Variants in RBFOX1 observed in about 807,000 individuals in gnomAD.
The protein encoded by RBFOX1 is RNA binding fox-1 homolog 1.
In RBFOX1, 8 loss-of-function variants were observed where a neutral mutation model predicts 57.7. That is an observed-to-expected ratio of 0.14 (90% CI 0.08 to 0.25). The LOEUF is 0.25. Ranked by LOEUF, RBFOX1 falls within the 10% of genes least tolerant of loss-of-function variation. RBFOX1 has a pLI of 1.00. For missense variants in RBFOX1, 611 were observed against 548.5 expected, an observed-to-expected ratio of 1.11 and a Z score of -1.14; for synonymous variants, 326 against 222.4, an observed-to-expected ratio of 1.47 and a Z score of -4.15.
intron 14 of RBFOX1, among the ~76,000 whole-genome samples, chr16:7,697,123 A>T (rs2079041637): frequency 1.3e-5 from 2 of 152,230 alleles, no homozygotes; most frequent in South Asian, 2.1e-4. Context: ...TGTGGAGACC[A>T]AACTGCCAAA....
chr16:6,320,452 A>G (rs1431590254), intron 2 of RBFOX1, among the ~76,000 whole-genome samples: 1 of 152,174 alleles, frequency 6.6e-6, no homozygotes, highest in African/African-American at 2.4e-5. Flanking sequence ...GAACTCATCC[A>G]TGTAACCAAA....
chr16:7,269,208 G>T (rs954339837), intron 4 of RBFOX1, among the ~76,000 whole-genome samples: 1 of 152,060 alleles, frequency 6.6e-6, no homozygotes, highest in African/African-American at 2.4e-5. Flanking sequence ...TTGGTGACTT[G>T]TTCCACATTT....
intron 5 of RBFOX1, among the ~76,000 whole-genome samples, chr16:7,530,343 C>T (rs1290476121): frequency 1.3e-5 from 2 of 152,116 alleles, no homozygotes; most frequent in African/African-American, 4.8e-5. Context: ...CCGGGGTTAT[C>T]TCTGCATTGA....
chr16:7,125,569 G>C (rs1298449136), intron 4 of RBFOX1, among the ~76,000 whole-genome samples: 1 of 152,132 alleles, frequency 6.6e-6, no homozygotes, highest in Non-Finnish European at 1.5e-5. Flanking sequence ...GTCATGGATG[G>C]TTCTAAGCAT....
chr16:6,416,510 A>G (rs1248900624), intron 2 of RBFOX1, among the ~76,000 whole-genome samples: 1 of 150,950 alleles, frequency 6.6e-6, no homozygotes, highest in African/African-American at 2.4e-5. Context: ...TTCTTTTTTT[A>G]CTGAAAGAGA....
chr16:7,226,401 C>G (rs967459599), intron 4 of RBFOX1, among the ~76,000 whole-genome samples: 11 of 152,150 alleles, frequency 7.2e-5, no homozygotes, highest in East Asian at 3.9e-4. Context: ...GGACTAATGT[C>G]CACTACAGGC....
At chr16:7,293,699 G>T (rs1235209786) in intron 4 of RBFOX1, among the ~76,000 whole-genome samples, 1 of 152,120 alleles carries the variant, frequency 6.6e-6, no homozygotes, top group African/African-American at 2.4e-5. Flanking sequence ...AGATTTTTGA[G>T]AGCCAGGAAG....
intron 4 of RBFOX1, among the ~76,000 whole-genome samples, chr16:7,210,569 C>A (rs2090930994): frequency 6.6e-6 from 1 of 152,068 alleles, no homozygotes; most frequent in South Asian, 2.1e-4. Flanking sequence ...TGTATTCTAA[C>A]CAGGTTGACA....
chr16:5,968,234 C>T (rs1030096647), intron 4 of RBFOX1, among the ~76,000 whole-genome samples: 2 of 151,904 alleles, frequency 1.3e-5, no homozygotes, highest in African/African-American at 4.8e-5. Context: ...ACCACCATGC[C>T]CGGTTAATTT....
chr16:7,282,096 C>T (rs1382652889), intron 4 of RBFOX1, among the ~76,000 whole-genome samples: 1 of 152,044 alleles, frequency 6.6e-6, no homozygotes, highest in Non-Finnish European at 1.5e-5. Context: ...CTCCTGAGCT[C>T]AGGTGATCCA....
intron 3 of RBFOX1, among the ~76,000 whole-genome samples, chr16:7,012,809 G>A (rs905400558): frequency 6.6e-6 from 1 of 152,156 alleles, no homozygotes; most frequent in Non-Finnish European, 1.5e-5. Flanking sequence ...ATATCTTAGT[G>A]TGTTCAGGCT....
rs560637819 is a variant in RBFOX1 at position 6,586,394 on chromosome 16, T to A, written c.-63-68209T>A. On this transcript the variant is annotated intron_variant, in intron 2 of 15. Transcript: ENST00000550418. ...GGACCCAGTAGTAATCTATCTCCAG[T>A]GCGTCTTAATTTTGTGCATCATCCA... is the stretch of plus-strand genomic sequence containing the variant. Among the ~76,000 whole-genome samples the A allele has an allele frequency of 2.4e-3, 361 of 152,330 alleles. 3 individuals carry two copies. The highest frequency in any genetic ancestry group is 8.1e-3 in the African/African-American group (336 of 41,578).
chr16:6,513,092 C>A (rs182116383), intron 2 of RBFOX1, among the ~76,000 whole-genome samples: 80 of 152,326 alleles, frequency 5.3e-4, no homozygotes, highest in African/African-American at 1.8e-3. Flanking sequence ...TCAGCCAGTT[C>A]TAGTCTGGCT....
At chr16:7,380,965 T>G (rs1596996989) in intron 4 of RBFOX1, among the ~76,000 whole-genome samples, 1 of 152,342 alleles carries the variant, frequency 6.6e-6, no homozygotes, top group African/African-American at 2.4e-5. Context: ...ATCTCCAGAG[T>G]TCTCAGTGAA....
chr16:7,108,178 C>G (rs2063952763), intron 4 of RBFOX1, among the ~76,000 whole-genome samples: 2 of 152,146 alleles, frequency 1.3e-5, no homozygotes, highest in African/African-American at 4.8e-5. Context: ...AATTTAATCT[C>G]TGATGGTTCA....
intron 3 of RBFOX1, among the ~76,000 whole-genome samples, chr16:6,909,838 G>C (rs1331760472): frequency 6.6e-6 from 1 of 152,142 alleles, no homozygotes; most frequent in East Asian, 1.9e-4. Context: ...GTGCAGTTGG[G>C]GGTGTCTGCT....
intron 2 of RBFOX1, among the ~76,000 whole-genome samples, chr16:5,491,044 T>C (rs1047580600): frequency 2.0e-5 from 3 of 152,200 alleles, no homozygotes; most frequent in Admixed American, 2.0e-4. Flanking sequence ...TGATCTGCAA[T>C]GGCCAATATC....
intron 1 of RBFOX1, among the ~76,000 whole-genome samples, chr16:5,245,028 A>G (rs994455010): frequency 6.6e-6 from 1 of 152,136 alleles, no homozygotes; most frequent in African/African-American, 2.4e-5. Context: ...CCATAGGGAA[A>G]TGTCTTCTCA....
chr16:6,182,558 TATTGA>T (rs1337319439), intron 1 of RBFOX1, among the ~76,000 whole-genome samples: 4 of 152,230 alleles, frequency 2.6e-5, no homozygotes, highest in Non-Finnish European at 5.9e-5. Flanking sequence ...CATAACTTTG[TATTGA>T]ATTGGTCTAA....
Sources: gnomAD v4.1 joint callset for allele counts (sites outside exome capture counted in the v4.1 genomes callset) on GRCh38, gnomAD v4.1.1 for gene constraint, MANE v1.5 for transcripts, NCBI Gene and HGNC (gene_info 2026-07-23, HGNC 2026-07-21) for gene names.